Variants in RARB observed in about 807,000 individuals in gnomAD.
The protein encoded by RARB is retinoic acid receptor beta, also known as HBV-activated protein.
In RARB, 17 loss-of-function variants were observed where a neutral mutation model predicts 51.9. The ratio of observed to expected loss-of-function variants is 0.33; its 90% CI spans 0.22 to 0.49. The LOEUF is 0.49. Ranked by LOEUF, RARB falls within the 20% of genes least tolerant of loss-of-function variation. The pLI is 0.99. For synonymous variants in RARB, 215 were observed against 195.4 expected (o/e 1.10, Z -0.84); for missense variants, 369 against 550.8 (o/e 0.67, Z 3.30).
chr3:25,021,318 T>C (rs1389523863), intron 2 of RARB, among the ~76,000 whole-genome samples: 9 of 152,236 alleles, frequency 5.9e-5, no homozygotes, highest in Non-Finnish European at 1.0e-4. Context: ...TTTCTGGTAT[T>C]ACCTGAGAAA....
At chr3:25,354,882 CTTT>C (rs10710847) in intron 5 of RARB, among the ~76,000 whole-genome samples, 3 of 142,774 alleles carry the variant, frequency 2.1e-5, no homozygotes, top group Admixed American at 7.0e-5. Context: ...TTTGCAAAGT[CTTT>C]TTTTTTTTTT....
intron 3 of RARB, among the ~76,000 whole-genome samples, chr3:25,523,637 A>G (rs564437732): frequency 6.6e-6 from 1 of 152,314 alleles, no homozygotes; most frequent in East Asian, 1.9e-4. Flanking sequence ...ATTGTCTGAA[A>G]GTGAGGGACA....
chr3:25,016,715 G>A lies in RARB; in HGVS notation c.-379-43410G>A, dbSNP rs528124763. Among the ~76,000 whole-genome samples the A allele has an allele frequency of 1.6e-4, 24 of 152,150 alleles. No homozygotes were observed. In the East Asian group the frequency reaches 2.7e-3, roughly 17 times the overall value. ...CAGAAATTCAATCATGGTCAATATA[G>A]CATTTCTTTTTTCCCCCCAGGATAT... On this transcript the variant is annotated intron_variant, in intron 2 of 11. Coordinates refer to the RARB transcript ENST00000383772.
intron 2 of RARB, among the ~76,000 whole-genome samples, chr3:24,867,413 G>A (rs1371633306): frequency 6.6e-6 from 1 of 152,158 alleles, no homozygotes. Flanking sequence ...TTTTTGCGAA[G>A]GCAGCCTCAC....
chr3:25,338,078 AC>A (rs1254794384), intron 5 of RARB, among the ~76,000 whole-genome samples: 3 of 129,152 alleles, frequency 2.3e-5, no homozygotes, highest in African/African-American at 8.2e-5. Flanking sequence ...TGTGTATGTC[AC>A]CCCCCTCCAA....
intron 3 of RARB, among the ~76,000 whole-genome samples, chr3:25,561,139 G>C (rs1700251825): frequency 6.6e-6 from 1 of 152,012 alleles, no homozygotes; most frequent in Non-Finnish European, 1.5e-5. Context: ...TTTATCCCAG[G>C]GTCCTTCCAT....
chr3:25,176,330 TTTCTTTCCTTCCTTCCTTCCTTCCTTCC>T lies in RARB; in HGVS notation c.178+1759_178+1786del, dbSNP rs1190674241. On this transcript the variant is annotated intron_variant, in intron 5 of 11. Transcript: ENST00000383772. ...CTTTCTTTCTTTCTTTCTTTCTTTC[TTTCTTTCCTTCCTTCCTTCCTTCCTTCC>T]TTCCTTCCTTCCTTCCTTCCTTCCT... Among the ~76,000 whole-genome samples the T allele has an allele frequency of 2.4e-4, 12 of 50,358 alleles. 1 individual carries two copies. The highest frequency in any genetic ancestry group is 4.5e-4 in the East Asian group (1 of 2,228). The allele number at this position is 50,358 out of a possible 152,430, so 33.0% of individuals were successfully genotyped here.
intron 2 of RARB, among the ~76,000 whole-genome samples, chr3:24,924,362 G>T (rs970333822): frequency 6.6e-6 from 1 of 152,082 alleles, no homozygotes; most frequent in Non-Finnish European, 1.5e-5. Flanking sequence ...GATTTTCTGT[G>T]ACACTGGAAA....
rs548695785 is a variant in RARB, at chr3:25,299,292, G to A, written c.178+124717G>A. 7.2e-5 allele frequency among the ~76,000 whole-genome samples: 11 copies of A among 152,166 alleles called. No homozygotes were observed. In the South Asian group the frequency reaches 8.3e-4, roughly 11 times the overall value. On this transcript the variant is annotated intron_variant, in intron 5 of 11. Transcript: ENST00000383772. ...TCTCACTGCAGCCTCGACATTTTCA[G>A]GCCCAGGTGATCCTCCTACCTCAGC... is the stretch of plus-strand genomic sequence containing the variant.
chr3:25,325,690 G>A (rs983770352), intron 5 of RARB, among the ~76,000 whole-genome samples: 1 of 151,722 alleles, frequency 6.6e-6, no homozygotes, highest in Admixed American at 6.6e-5. Context: ...GGAATGTTGT[G>A]GTGATGAGCC....
chr3:25,440,152 A>T (rs1708601732), intron 1 of RARB, among the ~76,000 whole-genome samples: 1 of 152,226 alleles, frequency 6.6e-6, no homozygotes, highest in Non-Finnish European at 1.5e-5. Flanking sequence ...CATAGTTGTC[A>T]ATAAGAAACT....
chr3:25,138,480 C>G (rs148546928), intron 4 of RARB, among the ~76,000 whole-genome samples: 2 of 152,096 alleles, frequency 1.3e-5, no homozygotes, highest in East Asian at 3.9e-4. Context: ...CAATATTCAA[C>G]TTGCATTTGC....
chr3:25,374,382 G>C lies in RARB; in HGVS notation c.179-86811G>C, dbSNP rs111994689. On this transcript the variant is annotated intron_variant, in intron 5 of 11. Transcript: ENST00000383772. ...GTAGTCGAATTGAGGAAAATCTAAAGATATAGGTAGGGTTAAGAAAGACCA... is the reference window on the plus strand; with the variant it reads ...GTAGTCGAATTGAGGAAAATCTAAACATATAGGTAGGGTTAAGAAAGACCA... Among the ~76,000 whole-genome samples the C allele has an allele frequency of 3.7e-3, 562 of 152,248 alleles. 1 individual carries two copies. Among genetic ancestry groups the C allele is most frequent in the African/African-American group, 0.013 (530 of 41,544 alleles).
At chr3:25,200,212 T>C (rs1354007783) in intron 5 of RARB, among the ~76,000 whole-genome samples, 6 of 152,214 alleles carry the variant, frequency 3.9e-5, no homozygotes, top group South Asian at 4.1e-4. Flanking sequence ...ATGAGCATTG[T>C]TTCTTGTGTC....
At chr3:25,296,020 G>T (rs1452235928) in intron 5 of RARB, among the ~76,000 whole-genome samples, 2 of 152,122 alleles carry the variant, frequency 1.3e-5, no homozygotes, top group African/African-American at 4.8e-5. Context: ...AATTTTCATG[G>T]TTTTCTATAT....
chr3:25,076,985 T>C (rs1371145351), intron 3 of RARB, among the ~76,000 whole-genome samples: 1 of 152,198 alleles, frequency 6.6e-6, no homozygotes, highest in Non-Finnish European at 1.5e-5. Context: ...CTCTTTTTTG[T>C]TTTCCCAGTC....
chr3:25,331,836 A>C (rs1704905903), intron 5 of RARB, among the ~76,000 whole-genome samples: 1 of 152,170 alleles, frequency 6.6e-6, no homozygotes, highest in East Asian at 1.9e-4. Flanking sequence ...AAAATGATAA[A>C]GGGGATATCA....
At chr3:25,460,043 C>A (rs1427373022) in intron 1 of RARB, among the ~76,000 whole-genome samples, 1 of 152,114 alleles carries the variant, frequency 6.6e-6, no homozygotes, top group Non-Finnish European at 1.5e-5. Context: ...GGTTAGATAA[C>A]AGGATGGAGG....
intron 5 of RARB, among the ~76,000 whole-genome samples, chr3:25,376,937 T>C (rs1706477730): frequency 1.3e-5 from 2 of 152,210 alleles, no homozygotes; most frequent in African/African-American, 4.8e-5. Context: ...GTGTAAAAGA[T>C]GGTGTTAGTG....
Sources: gnomAD v4.1 joint callset for allele counts (sites outside exome capture counted in the v4.1 genomes callset) on GRCh38, gnomAD v4.1.1 for gene constraint, MANE v1.5 for transcripts, NCBI Gene and HGNC (gene_info 2026-07-23, HGNC 2026-07-21) for gene names.